The following IL20 variants were observed in gnomAD, a reference collection of about 807,000 sequenced individuals.
IL20 encodes interleukin-20.
In IL20, 22 loss-of-function variants were observed where a neutral mutation model predicts 19.2. The observed-to-expected ratio is 1.15, with a 90% CI of 0.82 to 1.64. The LOEUF is 1.64. Among genes scored for constraint, IL20 ranks in the 40% most tolerant of loss-of-function variants. The pLI is 0.00. For synonymous variants in IL20, 70 were observed against 76.2 expected, an observed-to-expected ratio of 0.92 and a Z score of 0.43; for missense variants, 215 against 212.8, an observed-to-expected ratio of 1.01 and a Z score of -0.06.
In IL20 at chr1:206,866,630, G is replaced by A. The variant is rs754762138; in HGVS notation, c.372G>A (p.Arg124=). The change falls in exon 4 of 6, where the codon CGG becomes CGA. Residue 124 remains arginine, a synonymous_variant. Coordinates refer to ENST00000367098, the MANE Select transcript of IL20 (RefSeq NM_018724.4). ...TTCTTACCATCAAGAAGGACCTCCG[G>A]CTCTGTGTGAGTGTGGGTCTTGGGT... ...NSFLTIKKDL[R]LCHAHMTCHC... 1.9e-6 allele frequency: 3 copies of A among 1,613,988 alleles called. No individual in the cohort carries two copies. The East Asian group carries it at 6.7e-5, about 36-fold the overall frequency.
chr1:206,864,230 CT>C (rs1193741621), upstream of IL20, among the ~76,000 whole-genome samples: 3 of 152,074 alleles, frequency 2.0e-5, no homozygotes, highest in Non-Finnish European at 2.9e-5. Context: ...CTCTTTGATT[CT>C]TTTGGGTTTG....
chr1:206,866,447 C>T, intron 3 of IL20, 37 bp from the exon 4 acceptor site: 1 of 1,613,762 alleles, frequency 6.2e-7, no homozygotes, highest in South Asian at 1.1e-5. Flanking sequence ...TCTGCTCTCC[C>T]CTTTCCCCTC....
upstream of IL20, among the ~76,000 whole-genome samples, chr1:206,864,679 CAT>C (rs1346612815): frequency 6.6e-6 from 1 of 152,036 alleles, no homozygotes; most frequent in Non-Finnish European, 1.5e-5. Flanking sequence ...AACATGAAAA[CAT>C]GTGAATAGTG....
Position 206,866,573 on chromosome 1 carries a change from T to C in IL20, c.315T>C (p.Thr105=), listed in dbSNP as rs781431973. The change falls in exon 4 of 6, where the codon ACT becomes ACC. Residue 105 remains threonine (T), a synonymous_variant. Transcript: ENST00000367098. Reference sequence around the variant, plus strand: ...ACTACCAGACCCCTGACCATTATACTCTCCGGAAGATCAGCAGCCTCGCCA... The same window carrying C: ...ACTACCAGACCCCTGACCATTATACCCTCCGGAAGATCAGCAGCCTCGCCA... ...FKNYQTPDHY[T]LRKISSLANS... 7 of 1,613,988 alleles carry C rather than the reference T, an allele frequency of 4.3e-6. No individual in the cohort carries two copies. In the East Asian group the frequency reaches 1.6e-4, roughly 36 times the overall value.
chr1:206,866,318 T>A lies in IL20; in HGVS notation c.179T>A (p.Ile60Asn). 6.2e-7 allele frequency: 1 copy of A among 1,614,088 alleles called. No homozygotes were observed. The highest frequency in any genetic ancestry group is 1.1e-5 in the South Asian group (1 of 91,076). Residue 60 changes from isoleucine (I) to asparagine (N), a missense_variant, in exon 3 of 6, where the codon ATT becomes AAT. Transcript: ENST00000367098. The part of the protein sequence containing the change: ...RGSVQAKDGN[I>N]DIRILRRTES... ...GTTTAGCAAGCCAAAGATGGAAACA[T>A]TGACATCAGAATCTTAAGGAGGACT...
intron 4 of IL20, among the ~76,000 whole-genome samples, chr1:206,867,016 C>G (rs1037484886): frequency 7.0e-6 from 1 of 143,078 alleles, no homozygotes; most frequent in South Asian, 2.3e-4. Flanking sequence ...CTGAATAGGA[C>G]CTAGGAATTC....
intron 2 of IL20, 22 bp from the exon 3 acceptor site, chr1:206,866,277 T>C: frequency 6.2e-7 from 1 of 1,612,918 alleles, no homozygotes. Flanking sequence ...CATCCTTGCT[T>C]GTTTTGTCTT....
Position 206,869,068 on chromosome 1 carries a change from G to T in IL20, c.*504G>T, listed in dbSNP as rs1231413198. Reference sequence around the variant, plus strand: ...ATTGAACCAATGACTACTTAGGATGGGTTGTGGAATAAGTTTTGATGTGGA... The same window carrying T: ...ATTGAACCAATGACTACTTAGGATGTGTTGTGGAATAAGTTTTGATGTGGA... On this transcript the variant is annotated 3_prime_UTR_variant, in exon 6 of 6. Transcript: ENST00000367098. 1 of 152,216 alleles carries T rather than the reference G, an allele frequency of 6.6e-6. No homozygotes were observed. The highest frequency in any genetic ancestry group is 2.4e-5 in the African/African-American group (1 of 41,382). The allele number at this position is 152,216 out of a possible 1,614,324, so 9.4% of individuals were successfully genotyped here.
intron 5 of IL20, 73 bp from the exon 6 acceptor site, chr1:206,868,414 C>A: frequency 1.0e-6 from 1 of 988,206 alleles, no homozygotes; most frequent in Non-Finnish European, 1.5e-6. Context: ...CAGACCTATC[C>A]ATAAAAGAGA....
intron 5 of IL20, among the ~76,000 whole-genome samples, chr1:206,867,767 T>C (rs772010517): frequency 1.3e-5 from 2 of 152,208 alleles, no homozygotes; most frequent in Non-Finnish European, 2.9e-5. Flanking sequence ...CACACTTCTA[T>C]GTACCTTTGA....
chr1:206,864,438 G>A (rs1677493487), upstream of IL20, among the ~76,000 whole-genome samples: 1 of 151,792 alleles, frequency 6.6e-6, no homozygotes, highest in African/African-American at 2.4e-5. Context: ...ATATATATAT[G>A]TCTTTATAAA....
intron 3 of IL20, 59 bp downstream of exon 3, chr1:206,866,423 A>T: frequency 6.2e-7 from 1 of 1,612,884 alleles, no homozygotes; most frequent in Admixed American, 1.7e-5. Flanking sequence ...CATCTCCATC[A>T]CCCTGGTCTT....
upstream of IL20, among the ~76,000 whole-genome samples, chr1:206,863,800 C>T (rs3024512): frequency 7.2e-4 from 110 of 152,278 alleles, no homozygotes; most frequent in African/African-American, 2.1e-3. Context: ...TTCAAGACAG[C>T]GGGTGCTCAT....
Position 206,865,752 on chromosome 1 carries a change from C to G in IL20, c.-31+66C>G, listed in dbSNP as rs1000558800. ...AGGCTGTTCTCTTCCCCTGACCCCC[C>G]ACCCCTCACCCCGTGGACACTTGGA... On this transcript the variant is annotated intron_variant, in intron 1 of 5. Transcript: ENST00000367098. The surrounding 1 kb of genome is among the most constrained non-coding windows in gnomAD (Gnocchi z 4.1). 3 of 1,522,420 alleles carry G rather than the reference C, an allele frequency of 2.0e-6. No homozygotes were observed. Among genetic ancestry groups the G allele is most frequent in the East Asian group, 2.3e-5 (1 of 43,992 alleles). The allele number at this position is 1,522,420 out of a possible 1,614,324, so 94.3% of individuals were successfully genotyped here. A position where few individuals can be genotyped will look rare whatever the true frequency, so the allele number is the denominator to read the frequency against.
At chr1:206,864,821 T>C (rs968333721), upstream of IL20, among the ~76,000 whole-genome samples, 5 of 152,244 alleles carry the variant, frequency 3.3e-5, no homozygotes, top group African/African-American at 1.2e-4. Context: ...AAAATATTTT[T>C]ATCTTGATGA....
At position 206,867,489 on chromosome 1, in the gene IL20, G is replaced by A. The variant is rs3024518; in HGVS notation, c.453+31G>A. 8.2e-5 allele frequency: 129 copies of A among 1,573,852 alleles called. No homozygotes were observed. In the African/African-American group the frequency reaches 1.6e-3, roughly 20 times the overall value. On this transcript the variant is annotated intron_variant, in intron 5 of 5. Coordinates refer to ENST00000367098, the MANE Select transcript of IL20 (RefSeq NM_018724.4). The stretch of plus-strand genomic sequence containing the variant: ...TGCGACTTTGGCATTGATTGGGATG[G>A]GTGTGTTTTAAGAACTGAGATCATA...
At chr1:206,863,978 G>C (rs558920487), upstream of IL20, among the ~76,000 whole-genome samples, 1 of 152,156 alleles carries the variant, frequency 6.6e-6, no homozygotes, top group East Asian at 1.9e-4. Flanking sequence ...ACCATTTTGG[G>C]GTTAAGAAAA....
chr1:206,865,507 T>G (rs909250882), upstream of IL20: 9 of 1,048,018 alleles, frequency 8.6e-6, no homozygotes, highest in Admixed American at 4.9e-5. This position sits in a 1 kb window ranked among gnomAD's most constrained non-coding sequence, Gnocchi z 4.1. Context: ...CCCTGAAATG[T>G]CATTCTCTAT....
Position 206,867,396 on chromosome 1 carries a change from A to G in IL20, c.391A>G (p.Thr131Ala), listed in dbSNP as rs568802090. The change falls in exon 5 of 6, where the codon ACA becomes GCA. Residue 131 changes from threonine to alanine, a missense_variant. Thr to Ala is a moderately conservative substitution (Grantham distance 58). Coordinates refer to ENST00000367098, the MANE Select transcript of IL20 (RefSeq NM_018724.4). ...KDLRLCHAHM[T>A]CHCGEEAMKK... ...GGGTCCTTTTCAGCATGCCCACATG[A>G]CATGCCATTGTGGGGAGGAAGCAAT... The G allele has an allele frequency of 2.5e-6, 4 of 1,613,412 alleles. No homozygotes were observed. The highest frequency in any genetic ancestry group is 1.7e-5 in the Admixed American group (1 of 60,016).
Sources: allele counts gnomAD v4.1 joint callset (sites outside exome capture counted in the v4.1 genomes callset), GRCh38; gene constraint gnomAD v4.1.1; non-coding constraint Gnocchi (gnomAD v3.1); transcripts MANE v1.5; gene names NCBI Gene and HGNC (gene_info 2026-07-23, HGNC 2026-07-21).